Variants in SPOCK1 observed in about 807,000 individuals in gnomAD.
SPOCK1 encodes the protein testican-1.
SPOCK1 carries 23 observed loss-of-function variants against 55.3 expected under a neutral mutation model. The observed-to-expected ratio is 0.42, with a 90% CI of 0.30 to 0.59. The LOEUF (loss-of-function observed/expected upper bound fraction) is 0.59, where lower values mean the gene tolerates loss of function less well. Among genes scored for constraint, SPOCK1 ranks in the 20% least tolerant of loss-of-function variants. SPOCK1 has a pLI of 0.22. For synonymous variants in SPOCK1, 226 were observed against 221.0 expected, an observed-to-expected ratio of 1.02 and a Z score of -0.20; for missense variants, 499 against 552.5, an observed-to-expected ratio of 0.90 and a Z score of 0.97.
At chr5:137,062,937 A>G (rs1248814690) in intron 6 of SPOCK1, among the ~76,000 whole-genome samples, 1 of 152,202 alleles carries the variant, frequency 6.6e-6, no homozygotes, top group African/African-American at 2.4e-5. Flanking sequence ...TTAGAGATGT[A>G]GTAAGAAATA....
At chr5:137,422,298 A>G (rs1010078965) in intron 2 of SPOCK1, among the ~76,000 whole-genome samples, 1 of 152,132 alleles carries the variant, frequency 6.6e-6, no homozygotes, top group Non-Finnish European at 1.5e-5. Flanking sequence ...TCTTTGTGGC[A>G]TTCTCTGTAC....
At chr5:137,097,325 G>A (rs563660791) in intron 5 of SPOCK1, among the ~76,000 whole-genome samples, 3 of 152,322 alleles carry the variant, frequency 2.0e-5, no homozygotes, top group Admixed American at 1.3e-4. Flanking sequence ...TGGCAGACCT[G>A]AGAAGGTTCC....
chr5:137,357,198 A>G (rs1003175147), intron 2 of SPOCK1, among the ~76,000 whole-genome samples: 1 of 152,090 alleles, frequency 6.6e-6, no homozygotes, highest in Non-Finnish European at 1.5e-5. Flanking sequence ...TTGCTATCTT[A>G]CACTAGTCCA....
chr5:137,363,989 C>G (rs2127167477), intron 2 of SPOCK1, among the ~76,000 whole-genome samples: 1 of 152,300 alleles, frequency 6.6e-6, no homozygotes, highest in Middle Eastern at 3.4e-3. Context: ...TCTGTTTACC[C>G]ATCTCTACAT....
chr5:137,380,160 C>T (rs1424322503), intron 2 of SPOCK1, among the ~76,000 whole-genome samples: 3 of 152,198 alleles, frequency 2.0e-5, no homozygotes, highest in Non-Finnish European at 4.4e-5. Context: ...AATATATCTG[C>T]CTGCCACCAA....
chr5:137,039,496 T>C (rs933517878), intron 6 of SPOCK1, among the ~76,000 whole-genome samples: 1 of 152,176 alleles, frequency 6.6e-6, no homozygotes, highest in African/African-American at 2.4e-5. Flanking sequence ...ATGCTGACCT[T>C]TGCAGAAGAC....
chr5:137,155,126 G>A (rs941551127), intron 3 of SPOCK1, among the ~76,000 whole-genome samples: 14 of 152,154 alleles, frequency 9.2e-5, no homozygotes, highest in Non-Finnish European at 1.6e-4. Flanking sequence ...CTCGGTAAGT[G>A]TTAGTTTCAA....
intron 2 of SPOCK1, among the ~76,000 whole-genome samples, chr5:137,470,634 G>A (rs755526368): frequency 6.6e-5 from 10 of 152,094 alleles, no homozygotes; most frequent in Non-Finnish European, 1.5e-4. Flanking sequence ...TGCACTCTGC[G>A]GCCCATGGAG....
intron 6 of SPOCK1, among the ~76,000 whole-genome samples, chr5:137,065,938 C>A (rs1752499201): frequency 6.6e-6 from 1 of 152,112 alleles, no homozygotes; most frequent in Admixed American, 6.5e-5. Context: ...AAGGCCACAC[C>A]TGGAGTGTCA....
intron 4 of SPOCK1, among the ~76,000 whole-genome samples, chr5:137,131,309 T>C (rs1409887795): frequency 6.6e-6 from 1 of 152,240 alleles, no homozygotes; most frequent in Non-Finnish European, 1.5e-5. Flanking sequence ...TCATAACTTT[T>C]ATAAAAGAAG....
At chr5:137,441,959 T>G (rs989799175) in intron 2 of SPOCK1, among the ~76,000 whole-genome samples, 3 of 152,156 alleles carry the variant, frequency 2.0e-5, no homozygotes, top group African/African-American at 7.2e-5. Flanking sequence ...GAGCCACCCC[T>G]AAAGGCCACA....
intron 2 of SPOCK1, among the ~76,000 whole-genome samples, chr5:137,407,241 A>C (rs1752118761): frequency 6.6e-6 from 1 of 152,224 alleles, no homozygotes; most frequent in South Asian, 2.1e-4. Context: ...GAGAATGGGC[A>C]ATTTTAGAGC....
rs1439985136 is a variant in SPOCK1 at position 137,161,928 on chromosome 5, TTCTC to T, written c.233-21238_233-21235del. Among the ~76,000 whole-genome samples, 7 of 152,320 alleles carry T rather than the reference TTCTC, an allele frequency of 4.6e-5. No homozygotes were observed. The East Asian group carries it at 1.4e-3, about 29-fold the overall frequency. On this transcript the variant is annotated intron_variant, in intron 3 of 10. Coordinates refer to ENST00000394945, the MANE Select transcript of SPOCK1 (RefSeq NM_004598.4). Reference sequence around the variant, plus strand: ...AAGATCTAAGAGTTGTCACTCCCTATTCTCATCTTTGGTGATATATTGTGCATAG... The same window carrying T: ...AAGATCTAAGAGTTGTCACTCCCTATATCTTTGGTGATATATTGTGCATAG...
chr5:137,442,497 T>C (rs1753036248), intron 2 of SPOCK1, among the ~76,000 whole-genome samples: 1 of 152,210 alleles, frequency 6.6e-6, no homozygotes, highest in Admixed American at 6.5e-5. Flanking sequence ...CACATGGTTG[T>C]GCCAAGAATT....
intron 2 of SPOCK1, among the ~76,000 whole-genome samples, chr5:137,273,786 T>G (rs1344121346): frequency 1.3e-5 from 2 of 152,360 alleles, no homozygotes; most frequent in East Asian, 3.9e-4. Flanking sequence ...AACCCCAAGA[T>G]GACATCCAAG....
At chr5:137,449,127 A>C (rs1753195727) in intron 2 of SPOCK1, among the ~76,000 whole-genome samples, 1 of 152,234 alleles carries the variant, frequency 6.6e-6, no homozygotes, top group African/African-American at 2.4e-5. Context: ...TTGCAGGACC[A>C]GGTGCCCTGG....
chr5:137,173,484 A>C (rs532693013), intron 3 of SPOCK1, among the ~76,000 whole-genome samples: 2 of 152,192 alleles, frequency 1.3e-5, no homozygotes, highest in Non-Finnish European at 2.9e-5. Flanking sequence ...GCTGTGATCC[A>C]ATTGCTATTC....
At chr5:137,000,932 G>A (rs1293375243) in intron 6 of SPOCK1, among the ~76,000 whole-genome samples, 1 of 152,146 alleles carries the variant, frequency 6.6e-6, no homozygotes, top group Admixed American at 6.5e-5. Context: ...CTACTCTGGA[G>A]GCTGAGGTTC....
chr5:137,072,193 A>G (rs1752633200), intron 5 of SPOCK1, among the ~76,000 whole-genome samples: 1 of 152,220 alleles, frequency 6.6e-6, no homozygotes, highest in Admixed American at 6.5e-5. Flanking sequence ...GCATGCCCAG[A>G]AAAGAGGAAA....
Sources: gnomAD v4.1 joint callset for allele counts (sites outside exome capture counted in the v4.1 genomes callset) on GRCh38, gnomAD v4.1.1 for gene constraint, MANE v1.5 for transcripts, NCBI Gene and HGNC (gene_info 2026-07-23, HGNC 2026-07-21) for gene names.